Variants in PRKG1 observed in about 807,000 individuals in gnomAD.
The protein encoded by PRKG1 is protein kinase cGMP-dependent 1, also known as cGMP-dependent protein kinase 1.
PRKG1 carries 35 observed loss-of-function variants against 88.1 expected under a neutral mutation model. That is an observed-to-expected ratio of 0.40 (90% confidence interval 0.30 to 0.53). The LOEUF is 0.53. Ranked by LOEUF, PRKG1 falls within the 20% of genes least tolerant of loss-of-function variation. The pLI, the probability that PRKG1 is intolerant of heterozygous loss-of-function variation, is 0.59. For synonymous variants in PRKG1, 303 were observed against 292.5 expected, an observed-to-expected ratio of 1.04 and a Z score of -0.37; for missense variants, 540 against 839.8, an observed-to-expected ratio of 0.64 and a Z score of 4.41.
In PRKG1 at chr10:52,026,143, T is replaced by C. The variant is rs926744603; in HGVS notation, c.763-28341T>C. 2.0e-5 allele frequency among the ~76,000 whole-genome samples: 3 copies of C among 152,244 alleles called. No individual in the cohort carries two copies. In the South Asian group the frequency reaches 6.2e-4, roughly 32 times the overall value. ...CAGAAAGCTAAAAGAGGGTGTTTTTTATTATAAACATTTTAGACTTATTTT... is the reference window on the plus strand; with the variant it reads ...CAGAAAGCTAAAAGAGGGTGTTTTTCATTATAAACATTTTAGACTTATTTT... On this transcript the variant is annotated intron_variant, in intron 5 of 17. Transcript: ENST00000373980.
At chr10:51,221,157 AT>A (rs1264322734) in intron 2 of PRKG1, among the ~76,000 whole-genome samples, 1 of 151,990 alleles carries the variant, frequency 6.6e-6, no homozygotes, top group Non-Finnish European at 1.5e-5. Flanking sequence ...TTTTCTTTTA[AT>A]TTTTTTAAAT....
intron 4 of PRKG1, among the ~76,000 whole-genome samples, chr10:51,822,549 ACCC>A (rs1839776859): frequency 1.3e-5 from 2 of 152,116 alleles, no homozygotes; most frequent in Admixed American, 6.6e-5. Context: ...TTTTGTAAAT[ACCC>A]CTCTACTTTA....
intron 3 of PRKG1, among the ~76,000 whole-genome samples, chr10:51,574,421 G>T (rs1281849133): frequency 1.3e-5 from 2 of 151,848 alleles, no homozygotes; most frequent in Non-Finnish European, 2.9e-5. Context: ...AATGCTTTTA[G>T]GTTAGTCAAG....
intron 2 of PRKG1, among the ~76,000 whole-genome samples, chr10:51,240,125 ATAAG>A (rs1042283765): frequency 6.6e-6 from 1 of 152,194 alleles, no homozygotes; most frequent in African/African-American, 2.4e-5. Context: ...CAGCCACATC[ATAAG>A]TAACTAATAT....
chr10:51,212,535 G>C lies in PRKG1; in HGVS notation c.478+59205G>C, dbSNP rs1158915006. On this transcript the variant is annotated intron_variant, in intron 2 of 17. Transcript: ENST00000373980. The stretch of plus-strand genomic sequence containing the variant: ...ACCATCAGAGTGAACAGGCAACCTA[G>C]AGAATGGGAGAAAATTTTTGCAACC... Among the ~76,000 whole-genome samples the C allele has an allele frequency of 7.9e-5, 12 of 151,776 alleles. No individual in the cohort carries two copies. In the East Asian group the frequency reaches 2.0e-3, roughly 25 times the overall value.
intron 3 of PRKG1, among the ~76,000 whole-genome samples, chr10:51,577,757 G>A (rs1380312440): frequency 1.3e-5 from 2 of 151,948 alleles, no homozygotes; most frequent in African/African-American, 4.8e-5. Flanking sequence ...CTGCAGTTTG[G>A]TTTTGATTAC....
intron 9 of PRKG1, among the ~76,000 whole-genome samples, chr10:52,203,803 A>G (rs1425120962): frequency 2.0e-5 from 3 of 152,150 alleles, no homozygotes; most frequent in Non-Finnish European, 4.4e-5. Context: ...GTCGGATTAA[A>G]GTCTGTTTTG....
chr10:51,003,998 A>G lies in PRKG1; in HGVS notation c.266+12354A>G, dbSNP rs368100106. On this transcript the variant is annotated intron_variant, in intron 1 of 17. Coordinates refer to the PRKG1 transcript ENST00000401604. ...TTTTTTGCAAGCATTCAATGCTGCA[A>G]TTGATATTGTACACATTTTCTCATA... is the stretch of plus-strand genomic sequence containing the variant. Among the ~76,000 whole-genome samples the G allele has an allele frequency of 4.0e-4, 61 of 152,302 alleles. 2 individuals are homozygous for G. In the South Asian group the frequency reaches 0.012, roughly 30 times the overall value.
intron 2 of PRKG1, among the ~76,000 whole-genome samples, chr10:51,341,757 G>A (rs142041109): frequency 2.4e-4 from 37 of 152,234 alleles, no homozygotes; most frequent in African/African-American, 8.9e-4. Context: ...AATTGAGACT[G>A]GGTAATTTAT....
chr10:51,397,696 TG>T (rs34274171), intron 2 of PRKG1, among the ~76,000 whole-genome samples: 89,811 of 152,024 alleles, frequency 0.59, 27,192 homozygotes, highest in Middle Eastern at 0.69. Context: ...ATTCTGGCAG[TG>T]GAAATATAAT....
chr10:51,351,794 A>AT (rs1842253778), intron 2 of PRKG1, among the ~76,000 whole-genome samples: 1 of 151,954 alleles, frequency 6.6e-6, no homozygotes, highest in Non-Finnish European at 1.5e-5. Flanking sequence ...TGCTTTTGGT[A>AT]TTTTAGTCAT....
At chr10:51,675,951 G>T (rs533285302) in intron 3 of PRKG1, among the ~76,000 whole-genome samples, 47 of 152,100 alleles carry the variant, frequency 3.1e-4, no homozygotes, top group African/African-American at 9.9e-4. Flanking sequence ...AGGGAGGGTC[G>T]TGGGCCCTTA....
At chr10:51,462,285 A>C (rs965287371) in intron 2 of PRKG1, among the ~76,000 whole-genome samples, 1 of 152,176 alleles carries the variant, frequency 6.6e-6, no homozygotes, top group Admixed American at 6.5e-5. Flanking sequence ...AGTGATTATA[A>C]TTAGGTTATT....
chr10:51,924,921 A>G (rs1029780917), intron 5 of PRKG1, among the ~76,000 whole-genome samples: 2 of 147,740 alleles, frequency 1.4e-5, no homozygotes, highest in African/African-American at 5.0e-5. Flanking sequence ...TTCTCTGCTT[A>G]TATTACTCAC....
chr10:51,219,264 C>A (rs964858059), intron 2 of PRKG1, among the ~76,000 whole-genome samples: 26 of 152,048 alleles, frequency 1.7e-4, no homozygotes, highest in Non-Finnish European at 4.4e-5. Flanking sequence ...AATTGTTAAA[C>A]ATATGTTTAT....
At chr10:51,476,866 G>T (rs1031180003) in intron 3 of PRKG1, among the ~76,000 whole-genome samples, 1 of 151,956 alleles carries the variant, frequency 6.6e-6, no homozygotes, top group Non-Finnish European at 1.5e-5. Flanking sequence ...GTTACTCTGA[G>T]TACCTAAGTA....
At chr10:52,223,886 C>A (rs934851104) in intron 9 of PRKG1, among the ~76,000 whole-genome samples, 2 of 152,116 alleles carry the variant, frequency 1.3e-5, no homozygotes, top group African/African-American at 4.8e-5. Flanking sequence ...CACATTAATT[C>A]TACCTTAAAA....
chr10:51,067,548 T>C (rs998587358), intron 1 of PRKG1, among the ~76,000 whole-genome samples: 2 of 152,010 alleles, frequency 1.3e-5, no homozygotes, highest in African/African-American at 4.8e-5. Context: ...TTCCCTGTTA[T>C]TTTTTCCACT....
chr10:51,076,920 G>T (rs538180263), intron 1 of PRKG1, among the ~76,000 whole-genome samples: 2 of 152,188 alleles, frequency 1.3e-5, no homozygotes, highest in African/African-American at 4.8e-5. Flanking sequence ...AGCTCTTAAG[G>T]TATTGCCATG....
Sources: gnomAD v4.1 joint callset for allele counts (sites outside exome capture counted in the v4.1 genomes callset) on GRCh38, gnomAD v4.1.1 for gene constraint, MANE v1.5 for transcripts, NCBI Gene and HGNC (gene_info 2026-07-23, HGNC 2026-07-21) for gene names.